SCML2: variants seen among roughly 807,000 people sequenced by gnomAD.
SCML2 encodes sex comb on midleg-like protein 2.
In SCML2, 6 loss-of-function variants were observed where a neutral mutation model predicts 48.4. That is an observed-to-expected ratio of 0.12 (90% CI 0.07 to 0.24). The LOEUF (loss-of-function observed/expected upper bound fraction) is 0.24, where lower values mean the gene tolerates loss of function less well. Ranked by LOEUF, SCML2 falls within the 10% of genes least tolerant of loss-of-function variation. The pLI is 1.00. For missense variants in SCML2, 377 were observed against 528.2 expected (o/e 0.71, Z 2.81); for synonymous variants, 181 against 189.5 (o/e 0.95, Z 0.37).
intron 7 of SCML2, among the ~76,000 whole-genome samples, chrX:18,298,787 T>C (rs762001512): frequency 9.3e-6 from 1 of 107,858 alleles, no homozygotes; most frequent in South Asian, 4.2e-4. Context: ...TGCACTGCAC[T>C]CCAGCCTAGG....
intron 7 of SCML2, among the ~76,000 whole-genome samples, chrX:18,280,458 G>C (rs1407230557): frequency 2.7e-5 from 3 of 111,920 alleles, no homozygotes; most frequent in African/African-American, 9.8e-5. Flanking sequence ...ATGCAATTAA[G>C]TCTACATAAC....
chrX:18,274,886 T>C (rs1927578647), intron 7 of SCML2, among the ~76,000 whole-genome samples: 1 of 111,549 alleles, frequency 9.0e-6, no homozygotes, highest in Admixed American at 9.5e-5. Flanking sequence ...ATAAGAAACA[T>C]TTATGATCTA....
rs79041966 is a variant in SCML2, at chrX:18,321,600, A to G, written c.398-1180T>C. On this transcript the variant is annotated intron_variant, in intron 5 of 14. Transcript: ENST00000251900. ...ATCTGACCAGAGACACAATTGTTGAAAAAAAAAAAAAAAAAAAAACAGGGG... is the reference window on the plus strand; with the variant it reads ...ATCTGACCAGAGACACAATTGTTGAGAAAAAAAAAAAAAAAAAAACAGGGG... Among the ~76,000 whole-genome samples, 57 of 66,991 alleles carry G rather than the reference A, an allele frequency of 8.5e-4. 1 individual carries two copies. The highest frequency in any genetic ancestry group is 3.2e-3 in the African/African-American group (50 of 15,400). 58.2% of individuals were successfully genotyped at this position (66,991 alleles called of 115,157 possible).
chrX:18,346,124 T>A (rs181697342), intron 1 of SCML2, among the ~76,000 whole-genome samples: 1 of 110,751 alleles, frequency 9.0e-6, no homozygotes, highest in East Asian at 2.8e-4. Context: ...CAATATCAAA[T>A]CAGCTGTCTT....
At chrX:18,319,374 C>CG (rs772542742) in intron 6 of SCML2, among the ~76,000 whole-genome samples, 252 of 104,868 alleles carry the variant, frequency 2.4e-3, no homozygotes, top group African/African-American at 8.4e-3. Context: ...AACTCAGTCT[C>CG]AAAAAAAAAG....
At position 18,307,801 on chromosome X, in the gene SCML2, C is replaced by T. The variant is rs191311946; in HGVS notation, c.487-2586G>A. Among the ~76,000 whole-genome samples the T allele has an allele frequency of 5.5e-5, 6 of 110,044 alleles. No individual in the cohort carries two copies. The East Asian group carries it at 1.4e-3, about 26-fold the overall frequency. On this transcript the variant is annotated intron_variant, in intron 6 of 14. Transcript: ENST00000251900. ...GACCACCTGGGCAACTTAGCAAAAC[C>T]CTATCTCTAAAAAAGTATAAAAATT...
intron 2 of SCML2, 136 bp from the exon 3 acceptor site, chrX:18,330,791 C>A: frequency 2.6e-6 from 1 of 380,420 alleles, no homozygotes; most frequent in Non-Finnish European, 4.6e-6. Context: ...TAGGACTTAC[C>A]ATTTTCTAAT....
intron 1 of SCML2, among the ~76,000 whole-genome samples, chrX:18,337,090 T>TCAGGAGTCCGAGAC (rs1449433362): frequency 9.1e-6 from 1 of 109,434 alleles, no homozygotes; most frequent in Non-Finnish European, 1.9e-5. Context: ...TCACCTGAGG[T>TCAGGAGTCCGAGAC]CAGGAGTCCG....
chrX:18,331,968 G>T (rs1289476428), intron 2 of SCML2, among the ~76,000 whole-genome samples: 2 of 112,266 alleles, frequency 1.8e-5, no homozygotes, highest in African/African-American at 6.5e-5. Flanking sequence ...GAGAGGATAA[G>T]ATGACTTCAT....
At chrX:18,297,120 A>G (rs1928421744) in intron 7 of SCML2, among the ~76,000 whole-genome samples, 1 of 112,379 alleles carries the variant, frequency 8.9e-6, no homozygotes, top group African/African-American at 3.2e-5. Context: ...TATCAACAGT[A>G]TGAAGGACAA....
At chrX:18,354,425 C>G (rs1930475863) in intron 1 of SCML2, among the ~76,000 whole-genome samples, 167 bp downstream of exon 1, 1 of 111,368 alleles carries the variant, frequency 9.0e-6, no homozygotes, top group Non-Finnish European at 1.9e-5. Context: ...GCGGGATACC[C>G]TATCGCGAAG....
intron 3 of SCML2, among the ~76,000 whole-genome samples, chrX:18,327,369 T>TCAA (rs1342418348): frequency 2.7e-5 from 3 of 111,261 alleles, no homozygotes; most frequent in East Asian, 2.8e-4. Flanking sequence ...AGACTCCGTC[T>TCAA]CAACAACAAC....
At chrX:18,351,091 G>A (rs760365146) in intron 1 of SCML2, among the ~76,000 whole-genome samples, 1 of 110,547 alleles carries the variant, frequency 9.0e-6, no homozygotes, top group South Asian at 3.9e-4. Context: ...CCAACTAGGT[G>A]AAACCCCGTC....
At chrX:18,282,465 C>G (rs751222871) in intron 7 of SCML2, among the ~76,000 whole-genome samples, 1 of 110,831 alleles carries the variant, frequency 9.0e-6, no homozygotes, top group Admixed American at 9.6e-5. Flanking sequence ...TAGTAAAACC[C>G]CGTCTCTATT....
chrX:18,286,611 A>G (rs1928061826), intron 7 of SCML2, among the ~76,000 whole-genome samples: 1 of 111,480 alleles, frequency 9.0e-6, no homozygotes, highest in East Asian at 2.9e-4. Context: ...CATGCATAGT[A>G]ACAGGGCATC....
In SCML2 at chrX:18,261,148, T is replaced by C. The variant is rs997960404; in HGVS notation, c.949-857A>G. 1.8e-5 allele frequency among the ~76,000 whole-genome samples: 2 copies of C among 109,206 alleles called. 1 individual carries two copies. Among genetic ancestry groups the C allele is most frequent in the African/African-American group, 7.0e-5 (2 of 28,517 alleles). The allele number at this position is 109,206 out of a possible 115,157, so 94.8% of individuals were successfully genotyped here. A position where few individuals can be genotyped will look rare whatever the true frequency, so the allele number is the denominator to read the frequency against. On this transcript the variant is annotated intron_variant, in intron 8 of 14. Coordinates refer to ENST00000251900, the MANE Select transcript of SCML2 (RefSeq NM_006089.3). ...TATTTAACATTGATACAGTGTTCTTTATCAATGTTAAAGAAACAAAAAATG... is the reference window on the plus strand; with the variant it reads ...TATTTAACATTGATACAGTGTTCTTCATCAATGTTAAAGAAACAAAAAATG...
upstream of SCML2, chrX:18,354,736 C>A: frequency 4.4e-6 from 1 of 229,318 alleles, no homozygotes; most frequent in Non-Finnish European, 7.9e-6. Flanking sequence ...CCCCGCCCCC[C>A]GCGCGGCCGG....
chrX:18,319,720 CA>C (rs1301445868), intron 6 of SCML2, among the ~76,000 whole-genome samples: 4 of 111,310 alleles, frequency 3.6e-5, no homozygotes, highest in Non-Finnish European at 7.5e-5. Flanking sequence ...TGTATCATCT[CA>C]AAATTCATAT....
intron 11 of SCML2, among the ~76,000 whole-genome samples, chrX:18,250,444 C>T (rs1011797698): frequency 8.4e-5 from 9 of 106,848 alleles, no homozygotes; most frequent in Non-Finnish European, 7.7e-5. Context: ...TGCAGTGGTG[C>T]GATCTCGGCT....
Sources: gnomAD v4.1 joint callset for allele counts (sites outside exome capture counted in the v4.1 genomes callset) on GRCh38, gnomAD v4.1.1 for gene constraint, MANE v1.5 for transcripts, NCBI Gene and HGNC (gene_info 2026-07-23, HGNC 2026-07-21) for gene names.